The following GALNT13 variants were observed in gnomAD, a reference collection of about 807,000 sequenced individuals.
The protein encoded by GALNT13 is polypeptide N-acetylgalactosaminyltransferase 13.
Under a neutral mutation model 64.2 loss-of-function variants are expected in GALNT13, and 28 were observed. That is an observed-to-expected ratio of 0.44 (90% CI 0.32 to 0.60). GALNT13 has a LOEUF of 0.60. Ranked by LOEUF, GALNT13 falls within the 20% of genes least tolerant of loss-of-function variation. The pLI, the probability that GALNT13 is intolerant of heterozygous loss-of-function variation, is 0.05. For synonymous variants in GALNT13, 214 were observed against 224.6 expected, an observed-to-expected ratio of 0.95 and a Z score of 0.42; for missense variants, 577 against 669.8, an observed-to-expected ratio of 0.86 and a Z score of 1.53.
the GALNT13 span, among the ~76,000 whole-genome samples, chr2:153,578,764 T>C: frequency 2.6e-5 from 4 of 152,176 alleles, no homozygotes; most frequent in South Asian, 2.1e-4. Context: ...TCTGTAGCAA[T>C]GGTCAGTTAG....
the GALNT13 span, among the ~76,000 whole-genome samples, chr2:153,485,137 A>T: frequency 9.9e-5 from 15 of 152,218 alleles, no homozygotes; most frequent in Non-Finnish European, 2.2e-4. Flanking sequence ...CCTGCTTTGT[A>T]AACTTTATGT....
chr2:154,258,679 G>T (rs911525506), intron 7 of GALNT13, among the ~76,000 whole-genome samples: 1 of 151,652 alleles, frequency 6.6e-6, no homozygotes, highest in African/African-American at 2.4e-5. Flanking sequence ...ATAGTTTCAT[G>T]ACCAGCTAAC....
the GALNT13 span, among the ~76,000 whole-genome samples, chr2:153,270,580 G>A: frequency 6.6e-6 from 1 of 152,140 alleles, no homozygotes; most frequent in Non-Finnish European, 1.5e-5. Context: ...TACATTTGTG[G>A]CCAGACATAG....
intron 9 of GALNT13, among the ~76,000 whole-genome samples, chr2:154,313,674 T>C (rs1345432592): frequency 1.3e-5 from 2 of 151,688 alleles, no homozygotes; most frequent in Non-Finnish European, 3.0e-5. Context: ...AGGATGATGT[T>C]GATTTCCTGA....
At chr2:153,235,531 G>C in the GALNT13 span, among the ~76,000 whole-genome samples, 8 of 152,048 alleles carry the variant, frequency 5.3e-5, no homozygotes, top group Non-Finnish European at 8.8e-5. Context: ...TACATGTATC[G>C]CATGCCTCAC....
chr2:153,348,716 A>G, the GALNT13 span, among the ~76,000 whole-genome samples: 1 of 152,250 alleles, frequency 6.6e-6, no homozygotes, highest in East Asian at 1.9e-4. Flanking sequence ...AAAGAAACTC[A>G]TTAAAATTCA....
chr2:153,712,963 A>G, the GALNT13 span, among the ~76,000 whole-genome samples: 1 of 152,298 alleles, frequency 6.6e-6, no homozygotes, highest in South Asian at 2.1e-4. Flanking sequence ...CAGCCATTGT[A>G]AAAGAATAAG....
chr2:153,639,709 G>A, the GALNT13 span, among the ~76,000 whole-genome samples: 1 of 152,190 alleles, frequency 6.6e-6, no homozygotes, highest in African/African-American at 2.4e-5. Context: ...TTCTCCACTT[G>A]TGAGGACTGT....
chr2:154,331,174 A>G (rs1356575350), intron 9 of GALNT13, among the ~76,000 whole-genome samples: 1 of 152,136 alleles, frequency 6.6e-6, no homozygotes, highest in Non-Finnish European at 1.5e-5. Flanking sequence ...GTGGCTATAC[A>G]TGAGATAAAA....
the GALNT13 span, among the ~76,000 whole-genome samples, chr2:153,153,995 C>G: frequency 1.3e-5 from 2 of 149,600 alleles, no homozygotes; most frequent in Non-Finnish European, 3.0e-5. Context: ...AGCAGTATGG[C>G]CATTTCATGA....
chr2:154,021,736 A>G (rs1191651619), intron 3 of GALNT13, among the ~76,000 whole-genome samples: 7 of 151,458 alleles, frequency 4.6e-5, no homozygotes, highest in Admixed American at 1.3e-4. Context: ...TTCCAACACT[A>G]TGTTGAATAG....
At chr2:153,978,048 C>A (rs1694195792) in intron 3 of GALNT13, among the ~76,000 whole-genome samples, 1 of 152,062 alleles carries the variant, frequency 6.6e-6, no homozygotes, top group Admixed American at 6.6e-5. Context: ...GATTTAATAG[C>A]TTTTCCAAAA....
intron 4 of GALNT13, among the ~76,000 whole-genome samples, chr2:154,194,160 C>T (rs1254665580): frequency 1.3e-5 from 2 of 152,044 alleles, no homozygotes; most frequent in African/African-American, 4.8e-5. Context: ...TTTAAAGTTC[C>T]AAAGATGATT....
At chr2:154,080,086 C>T (rs903911049) in intron 3 of GALNT13, among the ~76,000 whole-genome samples, 7 of 151,566 alleles carry the variant, frequency 4.6e-5, no homozygotes, top group Non-Finnish European at 1.0e-4. Flanking sequence ...AAAAACCCAA[C>T]ATTGTTGTTA....
chr2:154,367,151 C>G (rs1474129712), intron 9 of GALNT13, among the ~76,000 whole-genome samples: 1 of 116,972 alleles, frequency 8.5e-6, no homozygotes, highest in Non-Finnish European at 1.8e-5. Flanking sequence ...GGTTATAAAA[C>G]AGCTGAGATG....
chr2:153,771,219 G>A, the GALNT13 span, among the ~76,000 whole-genome samples: 2 of 152,180 alleles, frequency 1.3e-5, no homozygotes, highest in African/African-American at 4.8e-5. Flanking sequence ...CTGGTTGGGG[G>A]GCAGATGTGT....
At chr2:153,734,534 T>C in the GALNT13 span, among the ~76,000 whole-genome samples, 1 of 152,178 alleles carries the variant, frequency 6.6e-6, no homozygotes, top group East Asian at 1.9e-4. Flanking sequence ...CCTCTAGTTA[T>C]TCAGTGTTAT....
chr2:153,209,385 C>T, the GALNT13 span, among the ~76,000 whole-genome samples: 1 of 152,044 alleles, frequency 6.6e-6, no homozygotes, highest in Admixed American at 6.6e-5. Flanking sequence ...ACTTAATTTG[C>T]ATGTTGATGT....
chr2:153,667,902 T>A, the GALNT13 span, among the ~76,000 whole-genome samples: 6 of 151,948 alleles, frequency 3.9e-5, no homozygotes, highest in South Asian at 6.2e-4. Flanking sequence ...CAATGACACC[T>A]GTAGGCCCAA....
Sources: allele counts gnomAD v4.1 joint callset (sites outside exome capture counted in the v4.1 genomes callset), GRCh38; gene constraint gnomAD v4.1.1; transcripts MANE v1.5; gene names NCBI Gene and HGNC (gene_info 2026-07-23, HGNC 2026-07-21).